MYZAP: variants seen among roughly 807,000 people sequenced by gnomAD.
MYZAP encodes myocardial zonula adherens protein, also known as GRINL1A complex locus upstream.
Under a neutral mutation model 69.4 loss-of-function variants are expected in MYZAP, and 66 were observed. The ratio of observed to expected loss-of-function variants is 0.95; its 90% CI spans 0.78 to 1.17. MYZAP has a LOEUF of 1.17. MYZAP is among the 50% of genes most tolerant of loss of function. MYZAP has a pLI of 0.00. For missense variants in MYZAP, 611 were observed against 556.2 expected (o/e 1.10, Z -0.99); for synonymous variants, 256 against 205.9 (o/e 1.24, Z -2.09).
Position 57,604,343 on chromosome 15 carries a change from G to T in MYZAP, c.150G>T (p.Glu50Asp). 6.2e-7 allele frequency: 1 copy of T among 1,614,190 alleles called. No individual in the cohort carries two copies. Among genetic ancestry groups the T allele is most frequent in the South Asian group, 1.1e-5 (1 of 91,082 alleles). Residue 50 changes from glutamate to aspartate, a missense_variant, in exon 2 of 13, where the codon GAG becomes GAT. Transcript: ENST00000267853. ...CTGAGCAATGTGAAAAGAAGATTGA[G>T]AGAAAAGAGCAGGTAAGGTATCTCC... ...PVPEQCEKKIERKEQLLDLSN... is the reference protein window; with the variant it reads ...PVPEQCEKKIDRKEQLLDLSN...
chr15:57,647,472 CA>C, intron 10 of MYZAP: 2 of 985,408 alleles, frequency 2.0e-6, no homozygotes, highest in Non-Finnish European at 2.4e-6. Flanking sequence ...TTTGTTCTAG[CA>C]GCATTGATTC....
At chr15:57,660,397 C>T (rs1281712718) in intron 10 of MYZAP, among the ~76,000 whole-genome samples, 2 of 152,180 alleles carry the variant, frequency 1.3e-5, no homozygotes. Context: ...TGACTTCCAC[C>T]TTGACCTCCT....
intron 1 of MYZAP, chr15:57,599,518 T>C: frequency 2.5e-6 from 3 of 1,224,058 alleles, no homozygotes; most frequent in Non-Finnish European, 3.1e-6. Flanking sequence ...GTAGCAGTGG[T>C]GTTCAGGGTA....
chr15:57,647,336 G>A (rs771353019), intron 10 of MYZAP: 9 of 985,348 alleles, frequency 9.1e-6, no homozygotes, highest in Non-Finnish European at 1.1e-5. Context: ...CTTCCACTAG[G>A]GAGACAGAGG....
intron 2 of MYZAP, 83 bp from the exon 3 acceptor site, chr15:57,617,950 C>T (rs1224785622): frequency 2.7e-6 from 4 of 1,505,468 alleles, no homozygotes; most frequent in Admixed American, 2.2e-5. Context: ...TTTGCATAAT[C>T]ATACACAGTG....
intron 11 of MYZAP, among the ~76,000 whole-genome samples, chr15:57,669,888 T>C (rs1223345692): frequency 6.6e-6 from 1 of 152,148 alleles, no homozygotes; most frequent in Non-Finnish European, 1.5e-5. Flanking sequence ...GAGATTTTTC[T>C]TTGATTTATG....
rs938475747 is a variant in MYZAP, at chr15:57,633,451, C to A, written c.805-162C>A. On this transcript the variant is annotated intron_variant, in intron 7 of 12. Transcript: ENST00000267853. ...ATGTATCTTTATTCATAGGTGAGAA[C>A]CAGAACCGTGAGGTTGAGTTCATGA... Among the ~76,000 whole-genome samples, 4 of 152,212 alleles carry A rather than the reference C, an allele frequency of 2.6e-5. No individual in the cohort carries two copies. In the East Asian group the frequency reaches 5.8e-4, roughly 22 times the overall value.
intron 5 of MYZAP, among the ~76,000 whole-genome samples, 193 bp downstream of exon 5, chr15:57,626,085 A>T (rs1267499819): frequency 6.6e-6 from 1 of 152,220 alleles, no homozygotes. Context: ...TGAGACTCTA[A>T]GGCTTTGTTT....
chr15:57,678,041 C>CAAAAAAAAAAAAAAAAAAAAAAAAAA (rs56102709), intron 12 of MYZAP, among the ~76,000 whole-genome samples: 3 of 116,272 alleles, frequency 2.6e-5, no homozygotes, highest in African/African-American at 1.1e-4. Context: ...TTATCTCTAC[C>CAAAAAAAAAAAAAAAAAAAAAAAAAA]AAAAAAAAAA....
At chr15:57,600,852 C>T (rs1270561650) in intron 1 of MYZAP, among the ~76,000 whole-genome samples, 1 of 152,078 alleles carries the variant, frequency 6.6e-6, no homozygotes, top group Non-Finnish European at 1.5e-5. Flanking sequence ...GAGGCTGAGA[C>T]AGGATTGCTT....
At position 57,592,096 on chromosome 15, in the gene MYZAP, C is replaced by T; in HGVS notation, c.62C>T (p.Ala21Val). 1 of 1,370,354 alleles carries T rather than the reference C, an allele frequency of 7.3e-7. No individual in the cohort carries two copies. 84.9% of individuals were successfully genotyped at this position (1,370,354 alleles called of 1,614,324 possible). The stretch of plus-strand genomic sequence containing the variant: ...GGCGGCGCCGCCAGGACGCCCGGGG[C>T]GCCCAGCAGGAGGGTGAGTAGCGGG... ...LSGGAARTPG[A>V]PSRRANVCRL... is the part of the protein sequence containing the mutation. Residue 21 changes from alanine (A) to valine (V), a missense_variant, in exon 1 of 13, where the codon GCG (alanine) becomes GTG (valine). By Grantham distance (64) the Ala-to-Val change is moderately conservative. Transcript: ENST00000267853.
intron 10 of MYZAP, among the ~76,000 whole-genome samples, chr15:57,650,689 T>G (rs1031635050): frequency 1.2e-4 from 19 of 152,320 alleles, no homozygotes; most frequent in East Asian, 3.9e-4. Context: ...TTAGCATAGT[T>G]CCTGCCAGGA....
At chr15:57,623,109 AAGAT>A (rs1283460196) in intron 4 of MYZAP, among the ~76,000 whole-genome samples, 1 of 152,218 alleles carries the variant, frequency 6.6e-6, no homozygotes, top group Non-Finnish European at 1.5e-5. Flanking sequence ...ACCTCATCGT[AAGAT>A]AAATGCGGGT....
intron 10 of MYZAP, among the ~76,000 whole-genome samples, chr15:57,643,015 T>C (rs778663244): frequency 2.6e-5 from 4 of 152,194 alleles, no homozygotes; most frequent in Non-Finnish European, 5.9e-5. Context: ...GCTAGGGCTT[T>C]CTACTGAATT....
chr15:57,647,106 A>G lies in MYZAP; in HGVS notation c.1119+7561A>G, dbSNP rs1006272503. 1.8e-5 allele frequency: 18 copies of G among 985,262 alleles called. No homozygotes were observed. In the South Asian group the frequency reaches 6.1e-4, roughly 33 times the overall value. 61.0% of individuals were successfully genotyped at this position (985,262 alleles called of 1,614,324 possible). ...AGACGTTGGCTAGTTCTCCACTCCT[A>G]TCACTCCTTCATGGCAAAGCAGGCA... On this transcript the variant is annotated intron_variant, in intron 10 of 12. Coordinates refer to ENST00000267853, the MANE Select transcript of MYZAP (RefSeq NM_001018100.5).
intron 10 of MYZAP, among the ~76,000 whole-genome samples, chr15:57,656,676 G>A (rs1345238501): frequency 6.6e-6 from 1 of 152,160 alleles, no homozygotes; most frequent in Non-Finnish European, 1.5e-5. Flanking sequence ...ATTCAAGGTT[G>A]GCACCCCTTG....
intron 10 of MYZAP, among the ~76,000 whole-genome samples, chr15:57,644,855 G>A (rs1202183220): frequency 6.6e-6 from 1 of 152,190 alleles, no homozygotes; most frequent in African/African-American, 2.4e-5. Flanking sequence ...CTAGAGAGAT[G>A]TTACTAAGGT....
intron 3 of MYZAP, among the ~76,000 whole-genome samples, chr15:57,620,323 C>T (rs372732902): frequency 6.6e-6 from 1 of 152,290 alleles, no homozygotes; most frequent in East Asian, 1.9e-4. Flanking sequence ...ATTAAGCCTT[C>T]CAATACTATG....
chr15:57,616,009 A>C (rs1181524890), intron 2 of MYZAP, among the ~76,000 whole-genome samples: 2 of 152,200 alleles, frequency 1.3e-5, no homozygotes, highest in Non-Finnish European at 2.9e-5. Flanking sequence ...ACAAGGCAAA[A>C]GTCACCCTGA....
Sources: allele counts gnomAD v4.1 joint callset (sites outside exome capture counted in the v4.1 genomes callset), GRCh38; gene constraint gnomAD v4.1.1; transcripts MANE v1.5; gene names NCBI Gene and HGNC (gene_info 2026-07-23, HGNC 2026-07-21).